The following RELN variants were observed in gnomAD, a reference collection of about 807,000 sequenced individuals.
The protein encoded by RELN is reelin.
Under a neutral mutation model 427.6 loss-of-function variants are expected in RELN, and 108 were observed. That is an observed-to-expected ratio of 0.25 (90% CI 0.22 to 0.30). RELN has a LOEUF of 0.30. Among genes scored for constraint, RELN ranks in the 10% least tolerant of loss-of-function variants. The pLI is 1.00. For synonymous variants in RELN, 1,524 were observed against 1,513.4 expected, an observed-to-expected ratio of 1.01 and a Z score of -0.16; for missense variants, 3,715 against 4,302.8, an observed-to-expected ratio of 0.86 and a Z score of 3.82.
chr7:103,619,774 G>A (rs763637405), intron 20 of RELN, among the ~76,000 whole-genome samples: 1 of 152,160 alleles, frequency 6.6e-6, no homozygotes, highest in African/African-American at 2.4e-5. Flanking sequence ...GAGAGGGGCC[G>A]ACTGCAGGAG....
At chr7:103,547,229 GA>G (rs1186374710) in intron 41 of RELN, among the ~76,000 whole-genome samples, 2 of 152,168 alleles carry the variant, frequency 1.3e-5, no homozygotes, top group Non-Finnish European at 2.9e-5. Flanking sequence ...GGTAGTGGGG[GA>G]AAAATACATT....
At chr7:103,539,703 C>T (rs1239147403) in intron 44 of RELN, among the ~76,000 whole-genome samples, 1 of 152,208 alleles carries the variant, frequency 6.6e-6, no homozygotes, top group Non-Finnish European at 1.5e-5. Context: ...CAATTCTTTG[C>T]ATGAACTCTA....
At chr7:103,870,999 A>C (rs1173171833) in intron 2 of RELN, among the ~76,000 whole-genome samples, 1 of 152,138 alleles carries the variant, frequency 6.6e-6, no homozygotes, top group Non-Finnish European at 1.5e-5. Flanking sequence ...TGCAGTTAGG[A>C]AACTGTCTCA....
chr7:103,591,002 T>A (rs1831404149), intron 27 of RELN, among the ~76,000 whole-genome samples: 1 of 152,222 alleles, frequency 6.6e-6, no homozygotes, highest in African/African-American at 2.4e-5. Context: ...AATTTTCTAG[T>A]TATCTGTGCT....
In RELN at chr7:103,483,662, T is replaced by C. The variant is rs1335002250; in HGVS notation, c.10172A>G (p.Asn3391Ser). ...CATTTGGGCCACTTACAGGGGGACA[T>C]TGTAAGACACTCTCTGAGCTTGTGT... ...DFTQAQRVSY[N>S]VPLEARMKGV... The change falls in exon 62 of 65, where the codon AAT becomes AGT. Residue 3391 changes from asparagine (N) to serine (S), a missense_variant. Asn to Ser is a conservative substitution (Grantham distance 46). Coordinates refer to ENST00000428762, the MANE Select transcript of RELN (RefSeq NM_005045.4). 1.9e-6 allele frequency: 3 copies of C among 1,614,138 alleles called. No individual in the cohort carries two copies. The highest frequency in any genetic ancestry group is 1.1e-5 in the South Asian group (1 of 91,084).
At chr7:103,786,387 G>A (rs1051195143) in intron 3 of RELN, among the ~76,000 whole-genome samples, 1 of 151,496 alleles carries the variant, frequency 6.6e-6, no homozygotes, top group African/African-American at 2.4e-5. Flanking sequence ...ATGTCATTAA[G>A]TACTTTTCAA....
At chr7:103,788,542 A>G (rs1792078847) in intron 3 of RELN, among the ~76,000 whole-genome samples, 1 of 152,308 alleles carries the variant, frequency 6.6e-6, no homozygotes. Context: ...CTATAAACCA[A>G]TAATAGACAA....
intron 1 of RELN, among the ~76,000 whole-genome samples, chr7:103,927,430 T>C (rs1404320578): frequency 1.3e-5 from 2 of 152,182 alleles, no homozygotes; most frequent in African/African-American, 2.4e-5. Context: ...TAAATGACGT[T>C]CAGGTACTAG....
At chr7:103,611,187 T>C (rs1395480726) in intron 21 of RELN, among the ~76,000 whole-genome samples, 3 of 152,208 alleles carry the variant, frequency 2.0e-5, no homozygotes, top group Admixed American at 6.5e-5. Context: ...AAGACATGTA[T>C]GAATTTTATT....
chr7:103,598,559 AT>A (rs1166792910), intron 24 of RELN, among the ~76,000 whole-genome samples: 1 of 152,208 alleles, frequency 6.6e-6, no homozygotes, highest in Non-Finnish European at 1.5e-5. Flanking sequence ...AGTTATCACA[AT>A]TAGTTGGTTG....
intron 2 of RELN, among the ~76,000 whole-genome samples, chr7:103,907,693 G>T (rs10238071): frequency 0.025 from 3,829 of 151,500 alleles, 171 homozygotes; most frequent in African/African-American, 0.088. Flanking sequence ...CTTTAAAATG[G>T]TAAATTTTAT....
chr7:103,853,374 T>C (rs1350715416), intron 2 of RELN, among the ~76,000 whole-genome samples: 1 of 152,072 alleles, frequency 6.6e-6, no homozygotes, highest in East Asian at 1.9e-4. Context: ...CAGGTGATGA[T>C]GTGAACCCTT....
chr7:103,949,864 C>A (rs377672290), intron 1 of RELN, among the ~76,000 whole-genome samples: 33 of 152,118 alleles, frequency 2.2e-4, no homozygotes, highest in African/African-American at 7.0e-4. Flanking sequence ...ATAGTTAGTG[C>A]CTAGAAGTTC....
At chr7:103,704,065 C>T (rs1283545853) in intron 8 of RELN, among the ~76,000 whole-genome samples, 2 of 152,128 alleles carry the variant, frequency 1.3e-5, no homozygotes, top group Admixed American at 6.5e-5. Context: ...CTTCTATGCC[C>T]CCAGTTTGGG....
At chr7:103,717,495 G>T (rs1281645669) in intron 8 of RELN, among the ~76,000 whole-genome samples, 2 of 149,774 alleles carry the variant, frequency 1.3e-5, no homozygotes, top group Non-Finnish European at 1.5e-5. Flanking sequence ...AAAAAAATTT[G>T]TTTTAATATA....
At chr7:103,774,258 C>T (rs941301527) in intron 4 of RELN, among the ~76,000 whole-genome samples, 8 of 147,696 alleles carry the variant, frequency 5.4e-5, no homozygotes, top group African/African-American at 7.5e-5. Context: ...GATTACGTCA[C>T]TGCACTCCAG....
At chr7:103,527,031 T>G (rs1829837097) in intron 46 of RELN, among the ~76,000 whole-genome samples, 1 of 152,218 alleles carries the variant, frequency 6.6e-6, no homozygotes, top group Admixed American at 6.5e-5. Context: ...CAGTTTTGTT[T>G]AATAGATATC....
intron 11 of RELN, among the ~76,000 whole-genome samples, chr7:103,666,125 G>A (rs1833261023): frequency 6.6e-6 from 1 of 151,878 alleles, no homozygotes. Flanking sequence ...GTGCAGTGGT[G>A]CAATTCATGG....
At chr7:103,636,499 A>C in intron 17 of RELN, 31 bp from the exon 18 acceptor site, 1 of 1,427,682 alleles carries the variant, frequency 7.0e-7, no homozygotes, top group South Asian at 1.2e-5. Context: ...TTAAATCTTA[A>C]ACTGTTGGCT....
Sources: allele counts gnomAD v4.1 joint callset (sites outside exome capture counted in the v4.1 genomes callset), GRCh38; gene constraint gnomAD v4.1.1; transcripts MANE v1.5; gene names NCBI Gene and HGNC (gene_info 2026-07-23, HGNC 2026-07-21).